MTUS1: variants seen among roughly 807,000 people sequenced by gnomAD.
MTUS1 encodes the protein microtubule associated scaffold protein 1.
MTUS1 carries 109 observed loss-of-function variants against 120.8 expected under a neutral mutation model. The observed-to-expected ratio is 0.90, with a 90% CI of 0.77 to 1.06. The LOEUF (loss-of-function observed/expected upper bound fraction) is 1.06, where lower values mean the gene tolerates loss of function less well. Among genes scored for constraint, MTUS1 ranks in the 50% least tolerant of loss-of-function variants. The pLI, the probability that MTUS1 is intolerant of heterozygous loss-of-function variation, is 0.00. For missense variants in MTUS1, 2,210 were observed against 1,486.3 expected (o/e 1.49, Z -8.01); for synonymous variants, 737 against 550.5 (o/e 1.34, Z -4.74).
chr8:17,738,009 A>G (rs1469863329), intron 3 of MTUS1, among the ~76,000 whole-genome samples: 1 of 152,250 alleles, frequency 6.6e-6, no homozygotes, highest in African/African-American at 2.4e-5. Context: ...CACGAAGGAA[A>G]TAACTTAGCA....
intron 4 of MTUS1, chr8:17,716,577 C>G (rs780813235): frequency 6.4e-4 from 103 of 161,306 alleles, no homozygotes; most frequent in Non-Finnish European, 1.1e-3. Flanking sequence ...TGTTTTGAGA[C>G]GGAGTCTCAC....
At chr8:17,652,104 T>G (rs962283197) in intron 12 of MTUS1, among the ~76,000 whole-genome samples, 8 of 152,212 alleles carry the variant, frequency 5.3e-5, no homozygotes, top group African/African-American at 1.9e-4. Context: ...AAGCTTTGCT[T>G]CTGCAGTCTC....
intron 1 of MTUS1, among the ~76,000 whole-genome samples, chr8:17,756,342 C>T (rs1401088915): frequency 6.6e-6 from 1 of 152,062 alleles, no homozygotes; most frequent in African/African-American, 2.4e-5. Context: ...TTATGACAGT[C>T]CCAAAGTATG....
chr8:17,777,631 G>A (rs984297863), intron 1 of MTUS1, among the ~76,000 whole-genome samples: 1 of 152,078 alleles, frequency 6.6e-6, no homozygotes, highest in African/African-American at 2.4e-5. Context: ...GTGAAGGTTA[G>A]ATTGCCTCAC....
chr8:17,755,865 G>A lies in MTUS1; in HGVS notation c.-58C>T. The stretch of plus-strand genomic sequence containing the variant: ...ATTTCTTCTTCAATTCCTTTTAAAT[G>A]AGAGGGTGGGCAAAATGGTCTGTCT... On this transcript the variant is annotated 5_prime_UTR_variant, in exon 2 of 15. Transcript: ENST00000693296. 3 of 1,544,422 alleles carry A rather than the reference G, an allele frequency of 1.9e-6. No individual in the cohort carries two copies. Among genetic ancestry groups the A allele is most frequent in the African/African-American group, 2.7e-5 (2 of 73,178 alleles).
Position 17,649,926 on chromosome 8 carries a change from C to G in MTUS1, c.3421G>C (p.Glu1141Gln), listed in dbSNP as rs1294606175. 6.2e-7 allele frequency: 1 copy of G among 1,610,784 alleles called. No individual in the cohort carries two copies. The highest frequency in any genetic ancestry group is 1.3e-5 in the African/African-American group (1 of 74,836). ...ATCTCTAACACAGCTTTCAGGCTTT[C>G]TAACTCCTGTTCTAGATACATGATC... ...PQIMYLEQEL[E>Q]SLKAVLEIKN... The change falls in exon 13 of 15, where the codon GAA becomes CAA. Residue 1141 changes from glutamate (E) to glutamine (Q), a missense_variant. By Grantham distance (29) the Glu-to-Gln change is conservative (BLOSUM62 2). Transcript: ENST00000693296.
intron 1 of MTUS1, among the ~76,000 whole-genome samples, chr8:17,799,797 A>T (rs2052534357): frequency 6.6e-6 from 1 of 152,166 alleles, no homozygotes; most frequent in South Asian, 2.1e-4. Flanking sequence ...AGGTGAAAAA[A>T]CGTGGTGCAA....
intron 13 of MTUS1, among the ~76,000 whole-genome samples, chr8:17,647,842 G>C (rs1490056853): frequency 6.6e-6 from 1 of 152,196 alleles, no homozygotes; most frequent in East Asian, 1.9e-4. Context: ...TTTATGAAGA[G>C]GCAATATTAT....
intron 7 of MTUS1, among the ~76,000 whole-genome samples, chr8:17,677,683 C>T (rs1270041536): frequency 1.3e-5 from 2 of 152,122 alleles, no homozygotes; most frequent in African/African-American, 2.4e-5. Context: ...TCCTTAATGC[C>T]TCAGAAACTA....
chr8:17,739,197 TA>T (rs1201719236), intron 3 of MTUS1, among the ~76,000 whole-genome samples: 1 of 151,840 alleles, frequency 6.6e-6, no homozygotes, highest in Non-Finnish European at 1.5e-5. Flanking sequence ...ACTTTATTAT[TA>T]AAAATAAAAC....
At position 17,654,647 on chromosome 8, in the gene MTUS1, G is replaced by A. The variant is rs757965311; in HGVS notation, c.3128C>T (p.Ala1043Val). 1.9e-5 allele frequency: 30 copies of A among 1,613,440 alleles called. No individual in the cohort carries two copies. Among genetic ancestry groups the A allele is most frequent in the African/African-American group, 8.0e-5 (6 of 74,922 alleles). The change falls in exon 10 of 15, where the codon GCG (alanine) becomes GTG (valine). Residue 1043 changes from alanine (A) to valine (V), a missense_variant. Physicochemically the swap from Ala to Val is moderately conservative, Grantham distance 64. Coordinates refer to ENST00000693296, the MANE Select transcript of MTUS1 (RefSeq NM_001363059.2). ...AATTTCCAACTTAGAGGTTTCATGC[G>A]CAGCATTTAAGTTGTCAAACTGTAA... ...LQEQFDNLNA[A>V]HETSKLEIEA...
At chr8:17,779,689 G>A (rs2050720104) in intron 1 of MTUS1, among the ~76,000 whole-genome samples, 1 of 152,174 alleles carries the variant, frequency 6.6e-6, no homozygotes, top group African/African-American at 2.4e-5. Context: ...TGGCTTCAGA[G>A]GCCCTACTCT....
At chr8:17,685,930 A>G (rs559605985) in intron 6 of MTUS1, among the ~76,000 whole-genome samples, 1 of 152,366 alleles carries the variant, frequency 6.6e-6, no homozygotes, top group East Asian at 1.9e-4. Flanking sequence ...CCAAGTTAAT[A>G]TCGTAATATT....
chr8:17,738,297 C>T (rs1025632893), intron 3 of MTUS1, among the ~76,000 whole-genome samples: 4 of 152,198 alleles, frequency 2.6e-5, no homozygotes, highest in African/African-American at 9.7e-5. Flanking sequence ...CATAAACACG[C>T]ACTCTCCCTC....
At chr8:17,660,724 C>T (rs901500177) in intron 8 of MTUS1, among the ~76,000 whole-genome samples, 3 of 152,148 alleles carry the variant, frequency 2.0e-5, no homozygotes, top group Admixed American at 6.5e-5. Context: ...ATATATGTAA[C>T]AGCCATCCTA....
intron 1 of MTUS1, among the ~76,000 whole-genome samples, chr8:17,760,142 G>C (rs1475863558): frequency 6.6e-6 from 1 of 150,730 alleles, no homozygotes; most frequent in Admixed American, 6.6e-5. Context: ...CCTGGGCCCA[G>C]TAGTTCACAG....
intron 6 of MTUS1, among the ~76,000 whole-genome samples, chr8:17,704,615 C>T (rs1413193013): frequency 6.6e-6 from 1 of 152,034 alleles, no homozygotes; most frequent in African/African-American, 2.4e-5. Flanking sequence ...TATTTTATTC[C>T]ATCGGTCTAT....
chr8:17,655,839 A>C, intron 9 of MTUS1, 24 bp downstream of exon 9: 1 of 1,610,622 alleles, frequency 6.2e-7, no homozygotes, highest in Non-Finnish European at 8.5e-7. Context: ...GCCTCAGACA[A>C]GCTCTGGCTG....
intron 1 of MTUS1, among the ~76,000 whole-genome samples, chr8:17,781,535 T>G (rs185193922): frequency 3.8e-3 from 579 of 152,348 alleles, no homozygotes; most frequent in Middle Eastern, 0.024. Context: ...TCTTACAAAT[T>G]AGAATTATCC....
Sources: allele counts gnomAD v4.1 joint callset (sites outside exome capture counted in the v4.1 genomes callset), GRCh38; gene constraint gnomAD v4.1.1; transcripts MANE v1.5; gene names NCBI Gene and HGNC (gene_info 2026-07-23, HGNC 2026-07-21).